ZNF276: variants seen among roughly 807,000 people sequenced by gnomAD.
The protein encoded by ZNF276 is zinc finger protein 276, also known as centromere protein Z.
In ZNF276, 59 loss-of-function variants were observed where a neutral mutation model predicts 63.9. The observed-to-expected ratio is 0.92, with a 90% CI of 0.75 to 1.15. The LOEUF (loss-of-function observed/expected upper bound fraction) is 1.15, where lower values mean the gene tolerates loss of function less well. Among genes scored for constraint, ZNF276 ranks in the 50% most tolerant of loss-of-function variants. ZNF276 has a pLI of 0.00. For synonymous variants in ZNF276, 496 were observed against 348.4 expected (o/e 1.42, Z -4.72); for missense variants, 1,084 against 843.8 (o/e 1.28, Z -3.53).
chr16:89,739,908 C>G lies in ZNF276; in HGVS notation c.*1662C>G. ...TATAAACTTACTTAGCAAGGAACCT[C>G]AAGGAGGGCTCGTTCTTAACCATTT... On this transcript the variant is annotated 3_prime_UTR_variant, in exon 11 of 11. Coordinates refer to ENST00000443381, the MANE Select transcript of ZNF276 (RefSeq NM_001113525.2). The G allele has an allele frequency of 1.9e-6, 3 of 1,589,362 alleles. No individual in the cohort carries two copies. Among genetic ancestry groups the G allele is most frequent in the Non-Finnish European group, 1.7e-6 (2 of 1,165,210 alleles).
chr16:89,726,443 C>T (rs774929249), intron 4 of ZNF276, among the ~76,000 whole-genome samples: 1 of 152,072 alleles, frequency 6.6e-6, no homozygotes, highest in Non-Finnish European at 1.5e-5. Flanking sequence ...GTGATCCGCC[C>T]ACCCCGGCCT....
At position 89,723,444 on chromosome 16, in the gene ZNF276, C is replaced by G. The variant is rs774253374; in HGVS notation, c.741C>G (p.Ser247Arg). 4 of 1,612,954 alleles carry G rather than the reference C, an allele frequency of 2.5e-6. No homozygotes were observed. The African/African-American group carries it at 4.0e-5, about 16-fold the overall frequency. Residue 247 changes from serine (S) to arginine (R), a missense_variant, in exon 4 of 11, where the codon AGC becomes AGG. By Grantham distance (110) the Ser-to-Arg change is moderately radical (BLOSUM62 -1). Coordinates refer to ENST00000443381, the MANE Select transcript of ZNF276 (RefSeq NM_001113525.2). ...GHDYTMDTSS[S>R]CKAFLLDSAL... ...ACTACACCATGGATACCAGCTCCAG[C>G]TGCAAGGCCTTCTTGCTGGACAGTG... is the stretch of plus-strand genomic sequence containing the variant.
At chr16:89,735,938 C>G (rs941163607) in intron 9 of ZNF276, among the ~76,000 whole-genome samples, 1 of 148,804 alleles carries the variant, frequency 6.7e-6, no homozygotes. Context: ...GTCGCCCAGG[C>G]TGGGGTGCAG....
chr16:89,729,241 C>T lies in ZNF276; in HGVS notation c.1092C>T (p.Val364=), dbSNP rs1425207541. 1.9e-6 allele frequency: 3 copies of T among 1,614,098 alleles called. No individual in the cohort carries two copies. The highest frequency in any genetic ancestry group is 1.7e-6 in the Non-Finnish European group (2 of 1,179,954). ...DEFSDLSEGD[V]LSEDENDKKQ... ...ATTCTCTCTTAATTCCTAGAGACGT[C>T]TTGAGTGAAGATGAAAATGACAAGA... Residue 364 remains valine, a synonymous_variant, in exon 6 of 11, where the codon GTC becomes GTT. Coordinates refer to ENST00000443381, the MANE Select transcript of ZNF276 (RefSeq NM_001113525.2).
chr16:89,733,387 TG>T lies in ZNF276; in HGVS notation c.1257del (p.Trp419Ter). On this transcript the variant is annotated frameshift_variant, in exon 7 of 11. Coordinates refer to ENST00000443381, the MANE Select transcript of ZNF276 (RefSeq NM_001113525.2). LOFTEE classifies it high-confidence loss of function. Reference sequence around the variant, plus strand: ...GAAGAAGCCGGGACCCAAGCCCGGATGGAAGAAGAAGCTTCGTTGTGAGAGG... The same window carrying T: ...GAAGAAGCCGGGACCCAAGCCCGGATGAAGAAGAAGCTTCGTTGTGAGAGG... ...IRKKPGPKPGWKKKLRCEREE... is the reference protein window; with the variant it reads ...IRKKPGPKPGXKKKLRCEREE... 1 of 1,614,144 alleles carries T rather than the reference TG, an allele frequency of 6.2e-7. No homozygotes were observed. The highest frequency in any genetic ancestry group is 8.5e-7 in the Non-Finnish European group (1 of 1,180,032).
intron 9 of ZNF276, among the ~76,000 whole-genome samples, chr16:89,735,461 GGTT>G (rs1433272871): frequency 2.0e-5 from 3 of 152,010 alleles, no homozygotes; most frequent in African/African-American, 7.3e-5. Context: ...CCGACATGCG[GGTT>G]GTTATTTTTT....
chr16:89,728,430 G>C (rs937182080), intron 5 of ZNF276, among the ~76,000 whole-genome samples: 2 of 151,770 alleles, frequency 1.3e-5, no homozygotes, highest in African/African-American at 4.8e-5. Flanking sequence ...TTGAGACGGA[G>C]TCTCGCTGTG....
rs1285656753 is a variant in ZNF276 at position 89,723,700 on chromosome 16, A to G, written c.997A>G (p.Arg333Gly). The part of the protein sequence containing the change: ...FPPQPSLPLC[R>G]APGQLGEKQL... ...ACCTCAGCCAAGCCTGCCCCTTTGC[A>G]GGGCCCCAGGTAGGAGGCACCTCTT... The change falls in exon 4 of 11, where the codon AGG becomes GGG. Residue 333 changes from arginine (R) to glycine (G), a missense_variant. Transcript: ENST00000443381. 6.2e-7 allele frequency: 1 copy of G among 1,609,346 alleles called. No homozygotes were observed.
intron 5 of ZNF276, among the ~76,000 whole-genome samples, chr16:89,728,006 C>A (rs2061520733): frequency 6.6e-6 from 1 of 152,154 alleles, no homozygotes; most frequent in African/African-American, 2.4e-5. Flanking sequence ...CGTTTCCACC[C>A]TCTCCTGTAA....
rs914868282 is a variant in ZNF276, at chr16:89,722,639, G to T, written c.314G>T (p.Arg105Met). The T allele has an allele frequency of 6.2e-7, 1 of 1,612,090 alleles. No homozygotes were observed. The highest frequency in any genetic ancestry group is 8.5e-7 in the Non-Finnish European group (1 of 1,180,028). ...SERAPGASME[R>M]PSAEERVLVR... ...AGGGCGCCTGGAGCGAGCATGGAGAGGCCATCCGCAGAGGAGCGCGTGCTC... is the reference window on the plus strand; with the variant it reads ...AGGGCGCCTGGAGCGAGCATGGAGATGCCATCCGCAGAGGAGCGCGTGCTC... Residue 105 changes from arginine to methionine, a missense_variant, in exon 2 of 11, where the codon AGG becomes ATG. Arg to Met is a moderately conservative substitution (Grantham distance 91, BLOSUM62 -1). Coordinates refer to ENST00000443381, the MANE Select transcript of ZNF276 (RefSeq NM_001113525.2).
intron 9 of ZNF276, 39 bp from the exon 10 acceptor site, chr16:89,737,767 G>A (rs747413104): frequency 1.2e-6 from 2 of 1,611,740 alleles, no homozygotes; most frequent in Admixed American, 1.7e-5. Context: ...GGAGGTTGGA[G>A]CATCAGGGGC....
In ZNF276 at chr16:89,740,840, G is replaced by A. The variant is rs141128234; in HGVS notation, c.*2594G>A. 79 of 1,613,504 alleles carry A rather than the reference G, an allele frequency of 4.9e-5. No homozygotes were observed. The African/African-American group carries it at 8.1e-4, about 17-fold the overall frequency. Reference sequence around the variant, plus strand: ...GATGTGACGACAGCAGGCCCATCAAGGAGAAGAAGAAAAGGAAAACCAATA... The same window carrying A: ...GATGTGACGACAGCAGGCCCATCAAAGAGAAGAAGAAAAGGAAAACCAATA... On this transcript the variant is annotated 3_prime_UTR_variant, in exon 11 of 11. Transcript: ENST00000443381.
intron 4 of ZNF276, among the ~76,000 whole-genome samples, chr16:89,725,769 C>G (rs1049495309): frequency 6.6e-6 from 1 of 151,878 alleles, no homozygotes; most frequent in Admixed American, 6.6e-5. Flanking sequence ...CTGGCCTGAC[C>G]GACAGAGCAA....
At chr16:89,729,143 G>A (rs1037727632) in intron 5 of ZNF276, 92 bp from the exon 6 acceptor site, 7 of 978,620 alleles carry the variant, frequency 7.2e-6, no homozygotes, top group African/African-American at 3.3e-5. Flanking sequence ...TGGGACATGG[G>A]GGTCCATTTG....
At chr16:89,735,290 G>A (rs759533116) in intron 9 of ZNF276, among the ~76,000 whole-genome samples, 17 of 139,470 alleles carry the variant, frequency 1.2e-4, no homozygotes, top group South Asian at 2.1e-4. Flanking sequence ...GGTAAGGGGT[G>A]GGGGGGGGCC....
intron 9 of ZNF276, among the ~76,000 whole-genome samples, chr16:89,736,993 G>C (rs2061940992): frequency 6.6e-6 from 1 of 152,136 alleles, no homozygotes; most frequent in Non-Finnish European, 1.5e-5. Flanking sequence ...TTCAGGGCTT[G>C]ACAGATGTGG....
In ZNF276 at chr16:89,738,450, G is replaced by C. The variant is rs1490999653; in HGVS notation, c.*204G>C. 7.1e-7 allele frequency: 1 copy of C among 1,401,046 alleles called. No homozygotes were observed. Among genetic ancestry groups the C allele is most frequent in the East Asian group, 2.5e-5 (1 of 40,506 alleles). The allele number at this position is 1,401,046 out of a possible 1,614,324, so 86.8% of individuals were successfully genotyped here. ...TTCCCGCAAACGCTGAGTGACTCGG[G>C]GCCGGACAGTTCATAAATAATTGAT... On this transcript the variant is annotated 3_prime_UTR_variant, in exon 11 of 11. Transcript: ENST00000443381.
At chr16:89,720,435 G>T (rs971366216), upstream of ZNF276, 1 of 1,044,690 alleles carries the variant, frequency 9.6e-7, no homozygotes, top group Admixed American at 5.6e-5. Flanking sequence ...ATGCACGAAC[G>T]CACGGACCTG....
In ZNF276 at chr16:89,740,754, G is replaced by C. The variant is rs1239690416; in HGVS notation, c.*2508G>C. The C allele has an allele frequency of 1.3e-6, 2 of 1,539,554 alleles. No homozygotes were observed. Among genetic ancestry groups the C allele is most frequent in the Non-Finnish European group, 1.8e-6 (2 of 1,115,942 alleles). On this transcript the variant is annotated 3_prime_UTR_variant, in exon 11 of 11. Coordinates refer to ENST00000443381, the MANE Select transcript of ZNF276 (RefSeq NM_001113525.2). ...TGGAAGCTGGCTGCCTGGTGCCCCTGCCTGGCCCACAGTGGGAGAGGACAC... is the reference window on the plus strand; with the variant it reads ...TGGAAGCTGGCTGCCTGGTGCCCCTCCCTGGCCCACAGTGGGAGAGGACAC...
Sources: allele counts gnomAD v4.1 joint callset (sites outside exome capture counted in the v4.1 genomes callset), GRCh38; gene constraint gnomAD v4.1.1; transcripts MANE v1.5; gene names NCBI Gene and HGNC (gene_info 2026-07-23, HGNC 2026-07-21).